PRUNE2: variants seen among roughly 807,000 people sequenced by gnomAD.
PRUNE2 encodes the protein protein prune homolog 2.
Under a neutral mutation model 252.0 loss-of-function variants are expected in PRUNE2, and 164 were observed. That is an observed-to-expected ratio of 0.65 (90% CI 0.57 to 0.74). PRUNE2 has a LOEUF of 0.74. Ranked by LOEUF, PRUNE2 falls within the 30% of genes least tolerant of loss-of-function variation. The pLI is 0.00. For synonymous variants in PRUNE2, 1,292 were observed against 1,350.2 expected (o/e 0.96, Z 0.94); for missense variants, 3,495 against 3,711.0 (o/e 0.94, Z 1.51).
chr9:76,740,635 T>C (rs1047347440), intron 6 of PRUNE2, among the ~76,000 whole-genome samples: 3 of 152,084 alleles, frequency 2.0e-5, no homozygotes, highest in Admixed American at 2.0e-4. Flanking sequence ...ATCTATTGGT[T>C]CTCAAATAAT....
Position 76,619,340 on chromosome 9 carries a change from T to C in PRUNE2, c.9236A>G (p.Asp3079Gly), listed in dbSNP as rs1334136624. The change falls in exon 18 of 19, where the codon GAT becomes GGT. Residue 3079 changes from aspartate (D) to glycine (G), a missense_variant and splice_region_variant. Asp to Gly is a moderately conservative substitution (Grantham distance 94). Transcript: ENST00000376718. Reference sequence around the variant, plus strand: ...GCTGTTATTGATGGTGAATTCTTACTCCTTCTCCATAGAAGACATTTCTGG... The same window carrying C: ...GCTGTTATTGATGGTGAATTCTTACCCCTTCTCCATAGAAGACATTTCTGG... Reference protein sequence around the residue: ...NDPEMSSMEKDIDLKLKEKP With the variant: ...NDPEMSSMEKGIDLKLKEKP 3 of 1,594,790 alleles carry C rather than the reference T, an allele frequency of 1.9e-6. No homozygotes were observed. Among genetic ancestry groups the C allele is most frequent in the Non-Finnish European group, 2.6e-6 (3 of 1,165,382 alleles).
chr9:76,851,464 T>C (rs1056063313), intron 2 of PRUNE2, among the ~76,000 whole-genome samples: 2 of 151,290 alleles, frequency 1.3e-5, no homozygotes, highest in Admixed American at 6.6e-5. Context: ...AGGAGAATGG[T>C]GTGAACCCGG....
chr9:76,849,103 G>A (rs989354522), intron 3 of PRUNE2, among the ~76,000 whole-genome samples: 3 of 152,036 alleles, frequency 2.0e-5, no homozygotes, highest in Middle Eastern at 3.2e-3. Flanking sequence ...TGGAGACAGG[G>A]TCTCACCATG....
intron 6 of PRUNE2, among the ~76,000 whole-genome samples, chr9:76,774,447 A>AT (rs2053465460): frequency 2.1e-5 from 1 of 46,516 alleles, no homozygotes; most frequent in Admixed American, 2.0e-4. Context: ...CTCCAGTTCA[A>AT]CCCTTTTTTT....
chr9:76,781,552 AC>A (rs2054397355), intron 6 of PRUNE2, among the ~76,000 whole-genome samples: 1 of 152,156 alleles, frequency 6.6e-6, no homozygotes, highest in Non-Finnish European at 1.5e-5. Flanking sequence ...GAGAACTTAC[AC>A]ACCTCCCTAT....
At chr9:76,734,207 G>A (rs910638162) in intron 6 of PRUNE2, among the ~76,000 whole-genome samples, 1 of 152,110 alleles carries the variant, frequency 6.6e-6, no homozygotes, top group Non-Finnish European at 1.5e-5. Flanking sequence ...GAGGGGCTGG[G>A]TAGATGTTTG....
At chr9:76,651,882 C>T (rs1450617356) in intron 11 of PRUNE2, 2 of 152,076 alleles carry the variant, frequency 1.3e-5, no homozygotes, top group East Asian at 1.9e-4. Context: ...AAGATGCAAA[C>T]AAATAGTTAA....
intron 6 of PRUNE2, among the ~76,000 whole-genome samples, chr9:76,775,639 A>G (rs1426191381): frequency 2.6e-5 from 4 of 152,164 alleles, no homozygotes; most frequent in Non-Finnish European, 5.9e-5. Context: ...CAGTCTGTCC[A>G]TATTTCTTCT....
intron 6 of PRUNE2, among the ~76,000 whole-genome samples, chr9:76,772,496 C>G (rs979490529): frequency 1.2e-4 from 19 of 152,204 alleles, no homozygotes; most frequent in African/African-American, 4.3e-4. Flanking sequence ...CAAAAATAAC[C>G]TTCTGTAGTT....
At position 76,868,624 on chromosome 9, in the gene PRUNE2, G is replaced by T. The variant is rs572816231; in HGVS notation, c.37-14416C>A. On this transcript the variant is annotated intron_variant, in intron 1 of 18. Transcript: ENST00000376718. ...TCTAAGACAAAGGACTTCTGCCCAG[G>T]GCAACAGCCAACTCACCTAGCGTCA... Among the ~76,000 whole-genome samples the T allele has an allele frequency of 4.5e-4, 68 of 152,062 alleles. 1 individual carries two copies. The highest frequency in any genetic ancestry group is 4.4e-3 in the East Asian group (23 of 5,176).
At chr9:76,808,458 G>A (rs560198125) in intron 6 of PRUNE2, 2 of 152,336 alleles carry the variant, frequency 1.3e-5, no homozygotes, top group Admixed American at 1.3e-4. Context: ...GAGTCCGGTT[G>A]TGCCTCTGGG....
chr9:76,708,762 T>C lies in PRUNE2; in HGVS notation c.3512A>G (p.Gln1171Arg). 1 of 1,613,990 alleles carries C rather than the reference T, an allele frequency of 6.2e-7. No homozygotes were observed. Among genetic ancestry groups the C allele is most frequent in the Non-Finnish European group, 8.5e-7 (1 of 1,179,882 alleles). ...SEPETRFTVR[Q>R]LEPWGLEYQE... ...ATACTCCAAGCCCCAGGGTTCCAGC[T>C]GTCTCACTGTAAATCGGGTTTCCGG... The change falls in exon 8 of 19, where the codon CAG becomes CGG. Residue 1171 changes from glutamine to arginine, a missense_variant. By Grantham distance (43) the Gln-to-Arg change is conservative. Coordinates refer to ENST00000376718, the MANE Select transcript of PRUNE2 (RefSeq NM_015225.3).
chr9:76,614,975 A>G (rs1828737835), intron 18 of PRUNE2: 2 of 448,180 alleles, frequency 4.5e-6, no homozygotes, highest in Admixed American at 6.0e-5. Context: ...TGAAGCAAAC[A>G]AATGTTCTGC....
At chr9:76,850,058 T>C (rs1016719700) in intron 3 of PRUNE2, among the ~76,000 whole-genome samples, 7 of 152,068 alleles carry the variant, frequency 4.6e-5, no homozygotes, top group African/African-American at 1.4e-4. Flanking sequence ...GGTTTGTTTG[T>C]TGTTTTTTTT....
chr9:76,870,458 G>A (rs2061123221), intron 1 of PRUNE2, among the ~76,000 whole-genome samples: 1 of 152,088 alleles, frequency 6.6e-6, no homozygotes, highest in South Asian at 2.1e-4. Flanking sequence ...GGCCGAGGTG[G>A]GTGGATCACA....
chr9:76,701,673 C>G (rs1290622461), intron 9 of PRUNE2, among the ~76,000 whole-genome samples: 2 of 152,196 alleles, frequency 1.3e-5, no homozygotes, highest in Non-Finnish European at 2.9e-5. Context: ...CTGACAATGT[C>G]TGGATTTATG....
intron 6 of PRUNE2, chr9:76,760,144 T>A (rs1288148098): frequency 1.3e-5 from 2 of 152,306 alleles, no homozygotes; most frequent in Non-Finnish European, 2.9e-5. Flanking sequence ...GAAACAGGGC[T>A]GCCTTCCTCT....
intron 1 of PRUNE2, among the ~76,000 whole-genome samples, chr9:76,861,189 C>A (rs1718178026): frequency 6.6e-6 from 1 of 152,190 alleles, no homozygotes; most frequent in African/African-American, 2.4e-5. Flanking sequence ...ACCCCCTCTG[C>A]AGCTCTGCTG....
At chr9:76,662,281 C>T (rs1354533172) in intron 9 of PRUNE2, among the ~76,000 whole-genome samples, 2 of 152,132 alleles carry the variant, frequency 1.3e-5, no homozygotes, top group Non-Finnish European at 2.9e-5. Context: ...GGAGAAAGAA[C>T]GGTGATAGAA....
Sources: allele counts gnomAD v4.1 joint callset (sites outside exome capture counted in the v4.1 genomes callset), GRCh38; gene constraint gnomAD v4.1.1; transcripts MANE v1.5; gene names NCBI Gene and HGNC (gene_info 2026-07-23, HGNC 2026-07-21).